The following OLFM4 variants were observed in gnomAD, a reference collection of about 807,000 sequenced individuals.
OLFM4 encodes olfactomedin 4.
In OLFM4, 22 loss-of-function variants were observed where a neutral mutation model predicts 25.5. That is an observed-to-expected ratio of 0.86 (90% CI 0.62 to 1.23). The LOEUF is 1.23. OLFM4 is among the 50% of genes most tolerant of loss of function. OLFM4 has a pLI of 0.00. For synonymous variants in OLFM4, 255 were observed against 237.7 expected (o/e 1.07, Z -0.67); for missense variants, 594 against 619.4 (o/e 0.96, Z 0.44).
intron 1 of OLFM4, among the ~76,000 whole-genome samples, chr13:53,033,857 G>A (rs1205074940): frequency 7.0e-6 from 1 of 142,220 alleles, no homozygotes; most frequent in East Asian, 2.2e-4. Flanking sequence ...TCAGGAGATC[G>A]AGACCACCCT....
intron 2 of OLFM4, among the ~76,000 whole-genome samples, chr13:53,040,240 C>G (rs1186272797): frequency 6.6e-6 from 1 of 152,076 alleles, no homozygotes; most frequent in African/African-American, 2.4e-5. Context: ...CACTAAACTG[C>G]CAAGGGAATT....
chr13:53,046,496 T>C (rs1039768834), intron 4 of OLFM4, among the ~76,000 whole-genome samples: 1 of 152,198 alleles, frequency 6.6e-6, no homozygotes, highest in Non-Finnish European at 1.5e-5. Context: ...AAACCAGATA[T>C]GTAGCAGGGT....
intron 4 of OLFM4, 60 bp from the exon 5 acceptor site, chr13:53,049,909 T>G: frequency 4.1e-6 from 6 of 1,461,408 alleles, no homozygotes; most frequent in Non-Finnish European, 5.6e-6. Flanking sequence ...GATATTAAAC[T>G]ATTTGTATCC....
rs372524104 is a variant in OLFM4 at position 53,043,235 on chromosome 13, C to G, written c.701C>G (p.Thr234Ser). ...KECEASKDQNTPVVHPPPTPG... is the reference protein window; with the variant it reads ...KECEASKDQNSPVVHPPPTPG... The stretch of plus-strand genomic sequence containing the variant: ...TGTGAGGCCTCTAAAGATCAAAACA[C>G]CCCTGTCGTCCACCCTCCTCCCACT... Residue 234 changes from threonine to serine, a missense_variant, in exon 4 of 5, where the codon ACC becomes AGC. Thr to Ser is a moderately conservative substitution (Grantham distance 58). Transcript: ENST00000219022. 1.2e-6 allele frequency: 2 copies of G among 1,609,828 alleles called. No homozygotes were observed. Among genetic ancestry groups the G allele is most frequent in the African/African-American group, 2.7e-5 (2 of 74,586 alleles).
intron 4 of OLFM4, among the ~76,000 whole-genome samples, chr13:53,045,995 G>A (rs1954713634): frequency 6.6e-6 from 1 of 152,146 alleles, no homozygotes; most frequent in African/African-American, 2.4e-5. Flanking sequence ...CTGGTCCATA[G>A]TGATGCTCAG....
At chr13:53,037,444 C>T (rs1404391454) in intron 2 of OLFM4, among the ~76,000 whole-genome samples, 1 of 152,094 alleles carries the variant, frequency 6.6e-6, no homozygotes, top group Non-Finnish European at 1.5e-5. Flanking sequence ...ATTGATTGAG[C>T]CGTATTTGTA....
chr13:53,038,589 G>A (rs911433158), intron 2 of OLFM4, among the ~76,000 whole-genome samples: 1 of 152,086 alleles, frequency 6.6e-6, no homozygotes, highest in Non-Finnish European at 1.5e-5. Context: ...AATCTCATGG[G>A]ACCACTGTCA....
intron 1 of OLFM4, among the ~76,000 whole-genome samples, chr13:53,032,694 CAT>C (rs1038127291): frequency 6.6e-6 from 1 of 151,190 alleles, no homozygotes; most frequent in African/African-American, 2.4e-5. Flanking sequence ...TGACTAAACA[CAT>C]AAAAAATATG....
At chr13:53,042,187 A>G (rs563959660) in intron 3 of OLFM4, 65 bp downstream of exon 3, 3 of 1,366,448 alleles carry the variant, frequency 2.2e-6, no homozygotes, top group Admixed American at 3.7e-5. Context: ...GTAAGCAAGT[A>G]CTAGTACCAG....
In OLFM4 at chr13:53,049,987, G is replaced by T. The variant is rs2138243617; in HGVS notation, c.749G>T (p.Gly250Val). The T allele has an allele frequency of 6.2e-7, 1 of 1,608,300 alleles. No homozygotes were observed. The stretch of plus-strand genomic sequence containing the variant: ...TGTATAGGGAGCTGTGGTCATGGTG[G>T]TGTGGTGAACATCAGCAAACCGTCT... ...PPTPGSCGHG[G>V]VVNISKPSVV... The change falls in exon 5 of 5, where the codon GGT (glycine) becomes GTT (valine). Residue 250 changes from glycine (G) to valine (V), a missense_variant. Physicochemically the swap from Gly to Val is moderately radical, Grantham distance 109 (BLOSUM62 -3). Transcript: ENST00000219022.
intron 2 of OLFM4, among the ~76,000 whole-genome samples, chr13:53,036,808 C>G (rs1184545307): frequency 6.6e-6 from 1 of 152,206 alleles, no homozygotes; most frequent in African/African-American, 2.4e-5. Context: ...CAGGTGTTGT[C>G]TCTCCCATTT....
intron 1 of OLFM4, among the ~76,000 whole-genome samples, chr13:53,029,714 G>A (rs2138228947): frequency 6.6e-6 from 1 of 152,244 alleles, no homozygotes; most frequent in African/African-American, 2.4e-5. Context: ...TCTTTACAGG[G>A]AATCTTCAGG....
intron 2 of OLFM4, among the ~76,000 whole-genome samples, chr13:53,038,742 G>A (rs1286562811): frequency 2.0e-5 from 3 of 152,198 alleles, no homozygotes; most frequent in Non-Finnish European, 2.9e-5. Flanking sequence ...TCCCAAGACT[G>A]CACCTCCCAG....
rs1041525955 is a variant in OLFM4 at position 53,048,637 on chromosome 13, C to T, written c.731-1332C>T. ...GACAAAGGCTTTGCTCCCCCTTCCC[C>T]GCCTCCATGCTAATCTCAGGCAATT... On this transcript the variant is annotated intron_variant, in intron 4 of 4. Transcript: ENST00000219022. 5.3e-5 allele frequency among the ~76,000 whole-genome samples: 8 copies of T among 152,088 alleles called. No individual in the cohort carries two copies. In the East Asian group the frequency reaches 9.7e-4, roughly 18 times the overall value.
At position 53,050,568 on chromosome 13, in the gene OLFM4, C is replaced by T. The variant is rs542614490; in HGVS notation, c.1330C>T (p.Arg444Cys). Residue 444 changes from arginine to cysteine, a missense_variant, in exon 5 of 5, where the codon CGT becomes TGT. Coordinates refer to ENST00000219022, the MANE Select transcript of OLFM4 (RefSeq NM_006418.5). ...GGTATGTGGGGTTCTGTATGCCACC[C>T]GTACTATGAACACCAGAACAGAAGA... ...FMVCGVLYAT[R>C]TMNTRTEEIF... 27 of 1,613,934 alleles carry T rather than the reference C, an allele frequency of 1.7e-5. No homozygotes were observed. The South Asian group carries it at 2.2e-4, about 13-fold the overall frequency.
intron 2 of OLFM4, among the ~76,000 whole-genome samples, chr13:53,035,994 C>T (rs978647519): frequency 2.0e-5 from 3 of 152,202 alleles, no homozygotes; most frequent in African/African-American, 7.2e-5. Context: ...TTACAAGGAG[C>T]TCTGGCTTTA....
chr13:53,034,957 C>G (rs913054625), intron 2 of OLFM4, among the ~76,000 whole-genome samples: 8 of 151,892 alleles, frequency 5.3e-5, no homozygotes, highest in Admixed American at 2.0e-4. Context: ...TTCCTGCATC[C>G]TTTAGTTTCT....
At chr13:53,036,604 C>A (rs895873104) in intron 2 of OLFM4, among the ~76,000 whole-genome samples, 1 of 151,986 alleles carries the variant, frequency 6.6e-6, no homozygotes, top group Non-Finnish European at 1.5e-5. Flanking sequence ...CTGAATGTGT[C>A]GGTGGCTGCT....
chr13:53,037,247 G>A (rs1182797276), intron 2 of OLFM4, among the ~76,000 whole-genome samples: 1 of 152,192 alleles, frequency 6.6e-6, no homozygotes, highest in Non-Finnish European at 1.5e-5. Flanking sequence ...GTTGTTTACG[G>A]TATGTCCTTT....
Sources: allele counts gnomAD v4.1 joint callset (sites outside exome capture counted in the v4.1 genomes callset), GRCh38; gene constraint gnomAD v4.1.1; transcripts MANE v1.5; gene names NCBI Gene and HGNC (gene_info 2026-07-23, HGNC 2026-07-21).